FREM1: variants seen among roughly 807,000 people sequenced by gnomAD.
The protein encoded by FREM1 is FRAS1 related extracellular matrix 1.
A neutral mutation model predicts 210.1 loss-of-function variants in FREM1; 220 were observed. The ratio of observed to expected loss-of-function variants is 1.05; its 90% CI spans 0.94 to 1.17. The LOEUF (loss-of-function observed/expected upper bound fraction) is 1.17, where lower values mean the gene tolerates loss of function less well. Among genes scored for constraint, FREM1 ranks in the 50% most tolerant of loss-of-function variants. FREM1 has a pLI of 0.00. For missense variants in FREM1, 3,454 were observed against 2,675.5 expected, an observed-to-expected ratio of 1.29 and a Z score of -6.42; for synonymous variants, 1,189 against 980.2, an observed-to-expected ratio of 1.21 and a Z score of -3.98.
rs1279719299 is a variant in FREM1, at chr9:14,851,449, T to A, written c.987A>T (p.Lys329Asn). Residue 329 changes from lysine (K) to asparagine (N), a missense_variant, in exon 6 of 37, where the codon AAA (lysine) becomes AAT (asparagine). Coordinates refer to ENST00000380880, the MANE Select transcript of FREM1 (RefSeq NM_001379081.2). ...TAGTAATGTTGAACACCAGCAAGGG[T>A]TTAGGGGTCTCATCTTCTTCACAGT... ...VLDCEEDETP[K>N]PLLVFNITKA... The A allele has an allele frequency of 2.2e-5, 36 of 1,613,480 alleles. No homozygotes were observed. Among genetic ancestry groups the A allele is most frequent in the Admixed American group, 1.2e-4 (7 of 59,970 alleles).
rs1213528050 is a variant in FREM1, at chr9:14,801,840, G to C, written c.3506C>G (p.Ser1169Cys). 2 of 1,613,740 alleles carry C rather than the reference G, an allele frequency of 1.2e-6. No individual in the cohort carries two copies. Among genetic ancestry groups the C allele is most frequent in the South Asian group, 1.1e-5 (1 of 91,056 alleles). ...GTCCAGGTCCACAGCGCTGATGATGGAAGAGTCCAGCTCTTTCATCTGACC... is the reference window on the plus strand; with the variant it reads ...GTCCAGGTCCACAGCGCTGATGATGCAAGAGTCCAGCTCTTTCATCTGACC... ...CEGQMKELDS[S>C]IISAVDLDIP... Residue 1169 changes from serine (S) to cysteine (C), a missense_variant, in exon 20 of 37, where the codon TCC becomes TGC. Ser to Cys is a moderately radical substitution (Grantham distance 112, BLOSUM62 -1). Coordinates refer to ENST00000380880, the MANE Select transcript of FREM1 (RefSeq NM_001379081.2).
intron 1 of FREM1, among the ~76,000 whole-genome samples, chr9:14,874,380 G>A (rs1833298111): frequency 1.3e-5 from 2 of 150,590 alleles, no homozygotes; most frequent in Non-Finnish European, 3.0e-5. Context: ...ATTTAGGATA[G>A]TTAGCTCTTC....
intron 17 of FREM1, 82 bp downstream of exon 17, chr9:14,807,857 TA>T: frequency 2.1e-6 from 2 of 942,270 alleles, no homozygotes; most frequent in Non-Finnish European, 3.1e-6. Flanking sequence ...TTTTAGACTA[TA>T]AATGAAATGT....
At chr9:14,893,563 G>T (rs1167951330) in intron 1 of FREM1, among the ~76,000 whole-genome samples, 1 of 152,182 alleles carries the variant, frequency 6.6e-6, no homozygotes, top group African/African-American at 2.4e-5. Context: ...TAATATAAAA[G>T]AGCTTTTGTT....
Position 14,861,018 on chromosome 9 carries a change from TAC to T in FREM1, c.330-1536_330-1535del, listed in dbSNP as rs1281127839. On this transcript the variant is annotated intron_variant, in intron 3 of 36. Coordinates refer to ENST00000380880, the MANE Select transcript of FREM1 (RefSeq NM_001379081.2). Reference sequence around the variant, plus strand: ...ATATATATACACATATATACATATATACACATATATACATATATACATATATA... The same window carrying T: ...ATATATATACACATATATACATATATACATATATACATATATACATATATA... Among the ~76,000 whole-genome samples, 138 of 105,834 alleles carry T rather than the reference TAC, an allele frequency of 1.3e-3. 11 individuals are homozygous for T. The highest frequency in any genetic ancestry group is 6.0e-3 in the African/African-American group (128 of 21,336). 69.4% of individuals were successfully genotyped at this position (105,834 alleles called of 152,430 possible). A position where few individuals can be genotyped will look rare whatever the true frequency, so the allele number is the denominator to read the frequency against.
chr9:14,880,215 C>T (rs1049212888), intron 1 of FREM1, among the ~76,000 whole-genome samples: 1 of 152,100 alleles, frequency 6.6e-6, no homozygotes, highest in Non-Finnish European at 1.5e-5. Context: ...ATTCTTTAAG[C>T]CACCCTGTCT....
At chr9:14,893,600 A>C (rs1837236076) in intron 1 of FREM1, among the ~76,000 whole-genome samples, 1 of 152,258 alleles carries the variant, frequency 6.6e-6, no homozygotes, top group East Asian at 1.9e-4. Context: ...ATAGGAGCTT[A>C]AATGAAATAT....
At chr9:14,807,784 G>C (rs79215121) in intron 17 of FREM1, among the ~76,000 whole-genome samples, 156 bp downstream of exon 17, 1 of 151,970 alleles carries the variant, frequency 6.6e-6, no homozygotes, top group Non-Finnish European at 1.5e-5. Flanking sequence ...TAACAGATTT[G>C]GGTTTTCCAC....
chr9:14,820,439 G>C (rs937069783), intron 13 of FREM1, among the ~76,000 whole-genome samples: 2 of 152,180 alleles, frequency 1.3e-5, no homozygotes, highest in African/African-American at 4.8e-5. Flanking sequence ...TCTTCTCAGA[G>C]CAGCTGCTGG....
chr9:14,856,270 G>A (rs763193093), intron 5 of FREM1, among the ~76,000 whole-genome samples: 3 of 152,134 alleles, frequency 2.0e-5, no homozygotes, highest in Non-Finnish European at 4.4e-5. Context: ...TTTGAACCCA[G>A]GCAATCTGGG....
chr9:14,760,925 T>C (rs549578483), intron 27 of FREM1, among the ~76,000 whole-genome samples: 6 of 152,314 alleles, frequency 3.9e-5, no homozygotes, highest in African/African-American at 9.6e-5. Flanking sequence ...ACTACGATTG[T>C]TAACTGCACC....
At chr9:14,739,270 A>G (rs1310382080) in intron 36 of FREM1, among the ~76,000 whole-genome samples, 1 of 150,478 alleles carries the variant, frequency 6.6e-6, no homozygotes, top group Non-Finnish European at 1.5e-5. Context: ...TGCCTGGCTA[A>G]TTTTTAAATT....
At chr9:14,856,782 G>A (rs1004879271) in intron 5 of FREM1, among the ~76,000 whole-genome samples, 2 of 144,316 alleles carry the variant, frequency 1.4e-5, no homozygotes, top group African/African-American at 5.2e-5. Context: ...GCAGTGAGCC[G>A]ACATTATTGC....
At chr9:14,847,099 A>G (rs1826783357) in intron 7 of FREM1, among the ~76,000 whole-genome samples, 1 of 152,036 alleles carries the variant, frequency 6.6e-6, no homozygotes, top group African/African-American at 2.4e-5. Context: ...GTAAACTTTA[A>G]CCCATTAAAC....
chr9:14,885,750 A>T (rs1215042571), intron 1 of FREM1, among the ~76,000 whole-genome samples: 1 of 152,200 alleles, frequency 6.6e-6, no homozygotes, highest in African/African-American at 2.4e-5. Flanking sequence ...CAATATATAC[A>T]TACACTGTTG....
chr9:14,793,245 G>T, intron 21 of FREM1, among the ~76,000 whole-genome samples: 1 of 152,220 alleles, frequency 6.6e-6, no homozygotes. Flanking sequence ...AAGAGGGCTA[G>T]GTATGAGTGT....
chr9:14,866,188 C>T (rs1831480680), intron 2 of FREM1, among the ~76,000 whole-genome samples: 1 of 152,136 alleles, frequency 6.6e-6, no homozygotes, highest in South Asian at 2.1e-4. Context: ...CTCCTCTATA[C>T]TGTCTTTCTA....
chr9:14,876,058 G>C (rs62537687), intron 1 of FREM1, among the ~76,000 whole-genome samples: 1 of 151,894 alleles, frequency 6.6e-6, no homozygotes, highest in South Asian at 2.1e-4. Context: ...AGGAGTACCC[G>C]GCCGTGTGAG....
intron 17 of FREM1, 76 bp from the exon 18 acceptor site, chr9:14,806,922 A>C: frequency 1.2e-6 from 1 of 848,296 alleles, no homozygotes; most frequent in Non-Finnish European, 1.7e-6. Flanking sequence ...AAATGCAGTG[A>C]CTGAAATTCT....
Sources: gnomAD v4.1 joint callset for allele counts (sites outside exome capture counted in the v4.1 genomes callset) on GRCh38, gnomAD v4.1.1 for gene constraint, MANE v1.5 for transcripts, NCBI Gene and HGNC (gene_info 2026-07-23, HGNC 2026-07-21) for gene names.